Variants in NEDD4 observed in about 807,000 individuals in gnomAD.
NEDD4 encodes the protein E3 ubiquitin-protein ligase NEDD4.
NEDD4 carries 99 observed loss-of-function variants against 144.9 expected under a neutral mutation model. The observed-to-expected ratio is 0.68, with a 90% confidence interval of 0.58 to 0.81. The LOEUF is 0.81. Among genes scored for constraint, NEDD4 ranks in the 30% least tolerant of loss-of-function variants. The probability of loss-of-function intolerance (pLI) is 0.00; values close to 1 mark genes in which losing one functional copy is unlikely to be tolerated. For synonymous variants in NEDD4, 318 were observed against 350.6 expected (o/e 0.91, Z 1.04); for missense variants, 985 against 1,065.9 (o/e 0.92, Z 1.06).
intron 1 of NEDD4, among the ~76,000 whole-genome samples, chr15:55,980,964 G>A (rs2037791005): frequency 6.6e-6 from 1 of 151,128 alleles, no homozygotes; most frequent in African/African-American, 2.4e-5. Flanking sequence ...GAATAATACT[G>A]TATTTATATA....
intron 5 of NEDD4, among the ~76,000 whole-genome samples, chr15:55,887,213 GT>G (rs1202922485): frequency 9.2e-5 from 14 of 152,000 alleles, no homozygotes; most frequent in African/African-American, 1.4e-4. Flanking sequence ...AAAGAAGTTG[GT>G]TTTTAAAAAA....
chr15:55,857,658 A>G (rs906190067), intron 11 of NEDD4, among the ~76,000 whole-genome samples: 1 of 152,178 alleles, frequency 6.6e-6, no homozygotes, highest in Admixed American at 6.5e-5. Flanking sequence ...TACAATCTCA[A>G]TTTGTAACCA....
At chr15:55,900,664 G>A (rs940563145) in intron 5 of NEDD4, among the ~76,000 whole-genome samples, 8 of 152,196 alleles carry the variant, frequency 5.3e-5, no homozygotes, top group Admixed American at 3.9e-4. Context: ...CTATCAGACC[G>A]ACAAAATTGA....
intron 8 of NEDD4, among the ~76,000 whole-genome samples, chr15:55,866,762 C>T (rs1350442875): frequency 6.6e-6 from 1 of 152,010 alleles, no homozygotes; most frequent in Admixed American, 6.6e-5. Context: ...TAAAAAAGAC[C>T]TGTCTCAAAT....
intron 1 of NEDD4, among the ~76,000 whole-genome samples, chr15:55,988,401 C>A (rs534386057): frequency 7.9e-6 from 1 of 125,790 alleles, no homozygotes; most frequent in East Asian, 2.6e-4. Context: ...GTGCAGCACA[C>A]CAGCATGGCA....
intron 5 of NEDD4, among the ~76,000 whole-genome samples, chr15:55,910,421 C>A (rs1191891126): frequency 6.6e-6 from 1 of 152,038 alleles, no homozygotes. Context: ...TGCCTCTATG[C>A]CTCCACGCCT....
At chr15:55,963,081 G>A (rs553726833) in intron 2 of NEDD4, among the ~76,000 whole-genome samples, 19 of 151,650 alleles carry the variant, frequency 1.3e-4, no homozygotes, top group African/African-American at 2.9e-4. Flanking sequence ...TACCACAACC[G>A]GCCTCCGTTA....
intron 4 of NEDD4, among the ~76,000 whole-genome samples, chr15:55,935,996 T>C (rs1024740637): frequency 3.9e-5 from 6 of 151,962 alleles, no homozygotes; most frequent in Non-Finnish European, 5.9e-5. Context: ...CATGACTTCT[T>C]TCACCTGCTG....
chr15:55,878,074 G>A (rs1221312774), intron 5 of NEDD4, among the ~76,000 whole-genome samples: 1 of 152,088 alleles, frequency 6.6e-6, no homozygotes, highest in Non-Finnish European at 1.5e-5. Context: ...TAGATATAAA[G>A]ATCCGGGTTC....
chr15:55,936,732 T>G (rs1464212212), intron 4 of NEDD4, among the ~76,000 whole-genome samples: 6 of 152,142 alleles, frequency 3.9e-5, no homozygotes, highest in Admixed American at 2.0e-4. Flanking sequence ...ACCTAATGTG[T>G]TGCACTTTTT....
chr15:55,956,850 G>C (rs1398420027), intron 2 of NEDD4, among the ~76,000 whole-genome samples: 1 of 152,106 alleles, frequency 6.6e-6, no homozygotes, highest in Non-Finnish European at 1.5e-5. Flanking sequence ...AACTTGCTGA[G>C]ATTTTTATTG....
chr15:55,954,503 C>T (rs1309265591), intron 2 of NEDD4, among the ~76,000 whole-genome samples: 1 of 151,818 alleles, frequency 6.6e-6, no homozygotes, highest in East Asian at 1.9e-4. Context: ...TTGAACAATA[C>T]ACAGACACTG....
At chr15:55,851,629 A>G (rs1397519786) in intron 13 of NEDD4, among the ~76,000 whole-genome samples, 1 of 152,058 alleles carries the variant, frequency 6.6e-6, no homozygotes, top group Non-Finnish European at 1.5e-5. Flanking sequence ...GGCATGCGCC[A>G]CCACGCCTGG....
intron 21 of NEDD4, among the ~76,000 whole-genome samples, chr15:55,838,857 G>C (rs2033337501): frequency 6.6e-6 from 1 of 152,070 alleles, no homozygotes; most frequent in Non-Finnish European, 1.5e-5. Flanking sequence ...TAAAAGTTTA[G>C]AATCTATGTT....
chr15:55,963,015 C>T (rs1382423912), intron 2 of NEDD4, among the ~76,000 whole-genome samples: 2 of 151,622 alleles, frequency 1.3e-5, no homozygotes, highest in African/African-American at 4.8e-5. Context: ...AAACTCCTGT[C>T]CTCAGGTGAT....
chr15:55,979,137 A>G (rs1345380198), intron 1 of NEDD4, among the ~76,000 whole-genome samples: 1 of 151,656 alleles, frequency 6.6e-6, no homozygotes, highest in East Asian at 1.9e-4. Context: ...TTACTAGTTC[A>G]CTATTAAAAT....
At chr15:55,923,138 T>C (rs1310197641) in intron 5 of NEDD4, among the ~76,000 whole-genome samples, 3 of 151,896 alleles carry the variant, frequency 2.0e-5, no homozygotes, top group African/African-American at 7.3e-5. Flanking sequence ...GAGCTGAGAC[T>C]GCGCCACTGC....
intron 5 of NEDD4, among the ~76,000 whole-genome samples, chr15:55,897,365 G>T (rs1304455720): frequency 6.6e-6 from 1 of 152,186 alleles, no homozygotes; most frequent in African/African-American, 2.4e-5. Context: ...ACCTGAGGAA[G>T]TACTCTAGGA....
At chr15:55,905,184 T>C in intron 5 of NEDD4, 1 of 416,894 alleles carries the variant, frequency 2.4e-6, no homozygotes, top group South Asian at 1.8e-5. Context: ...ATTCTGTAAG[T>C]AAATATCACT....
Sources: gnomAD v4.1 joint callset for allele counts (sites outside exome capture counted in the v4.1 genomes callset) on GRCh38, gnomAD v4.1.1 for gene constraint, MANE v1.5 for transcripts, NCBI Gene and HGNC (gene_info 2026-07-23, HGNC 2026-07-21) for gene names.